THRB: variants seen among roughly 807,000 people sequenced by gnomAD.
THRB encodes thyroid hormone receptor beta, also known as nuclear receptor subfamily 1 group A member 2.
THRB carries 12 observed loss-of-function variants against 47.8 expected under a neutral mutation model. The ratio of observed to expected loss-of-function variants is 0.25; its 90% CI spans 0.16 to 0.41. The LOEUF is 0.41. THRB is among the 10% of genes least tolerant of loss of function. The probability of loss-of-function intolerance (pLI) is 1.00; values close to 1 mark genes in which losing one functional copy is unlikely to be tolerated. For missense variants in THRB, 348 were observed against 589.2 expected (o/e 0.59, Z 4.24); for synonymous variants, 218 against 212.2 (o/e 1.03, Z -0.24).
intron 3 of THRB, among the ~76,000 whole-genome samples, chr3:24,286,949 G>A (rs1426968010): frequency 1.3e-5 from 2 of 152,150 alleles, no homozygotes; most frequent in South Asian, 2.1e-4. Context: ...ATGTGCTTGT[G>A]TAAAGTAAGA....
intron 1 of THRB, among the ~76,000 whole-genome samples, chr3:24,380,845 G>A (rs1284974278): frequency 6.6e-6 from 1 of 152,114 alleles, no homozygotes; most frequent in Non-Finnish European, 1.5e-5. Flanking sequence ...GGCTGGGCAC[G>A]GTGGCTCACG....
intron 6 of THRB, among the ~76,000 whole-genome samples, chr3:24,150,220 T>C (rs963647309): frequency 6.6e-6 from 1 of 152,208 alleles, no homozygotes; most frequent in African/African-American, 2.4e-5. Flanking sequence ...AAGGATTCTC[T>C]CCATACACAT....
intron 2 of THRB, among the ~76,000 whole-genome samples, chr3:24,320,014 G>A (rs1374714047): frequency 1.3e-5 from 2 of 152,166 alleles, no homozygotes; most frequent in Admixed American, 1.3e-4. Context: ...TCCCAGCTAC[G>A]CTCTCTATTA....
chr3:24,415,367 C>T (rs2068650634), intron 1 of THRB, among the ~76,000 whole-genome samples: 1 of 151,796 alleles, frequency 6.6e-6, no homozygotes. Flanking sequence ...ATGAGATAAG[C>T]TAATTTGTTA....
At chr3:24,259,210 C>A (rs1189916060) in intron 3 of THRB, among the ~76,000 whole-genome samples, 1 of 152,106 alleles carries the variant, frequency 6.6e-6, no homozygotes, top group Non-Finnish European at 1.5e-5. Flanking sequence ...TGTTCCTACA[C>A]AAAGACAAGC....
At chr3:24,209,978 G>T (rs1048747161) in intron 4 of THRB, among the ~76,000 whole-genome samples, 2 of 152,154 alleles carry the variant, frequency 1.3e-5, no homozygotes, top group African/African-American at 2.4e-5. Flanking sequence ...GTTCTGATAC[G>T]TGTCTACAGA....
chr3:24,380,331 C>T (rs889528439), intron 1 of THRB, among the ~76,000 whole-genome samples: 1 of 151,824 alleles, frequency 6.6e-6, no homozygotes, highest in Admixed American at 6.6e-5. Context: ...CTCAGTCAGG[C>T]CTTTATAATT....
intron 2 of THRB, among the ~76,000 whole-genome samples, chr3:24,335,181 C>T (rs527783183): frequency 3.3e-5 from 5 of 152,184 alleles, no homozygotes; most frequent in Non-Finnish European, 7.4e-5. Context: ...GGGAGCTACA[C>T]ACTGGGAGGG....
chr3:24,128,140 G>T (rs759639811), intron 9 of THRB, among the ~76,000 whole-genome samples: 31 of 152,216 alleles, frequency 2.0e-4, no homozygotes, highest in Admixed American at 9.2e-4. Context: ...TGTTTGTTTG[G>T]TTTTTTGTCT....
In THRB at chr3:24,280,982, G is replaced by C. The variant is rs1208770132; in HGVS notation, c.-43+16244C>G. Among the ~76,000 whole-genome samples the C allele has an allele frequency of 5.6e-3, 849 of 152,256 alleles. 13 individuals are homozygous for C. The highest frequency in any genetic ancestry group is 0.018 in the African/African-American group (749 of 41,534). ...CTGATTGGTGTACCTGAAAGTGATG[G>C]GGAGAATGGAACCAAGTTGGAAAAC... On this transcript the variant is annotated intron_variant, in intron 3 of 10. Coordinates refer to ENST00000646209, the MANE Select transcript of THRB (RefSeq NM_001354712.2).
intron 1 of THRB, among the ~76,000 whole-genome samples, chr3:24,391,612 C>T (rs4858611): frequency 0.93 from 141,215 of 152,236 alleles, 65,769 homozygotes; most frequent in Non-Finnish European, 0.96. Context: ...TTAGAATATA[C>T]GTATAAACAG....
intron 5 of THRB, among the ~76,000 whole-genome samples, chr3:24,166,220 G>T (rs947801942): frequency 3.3e-5 from 5 of 152,180 alleles, no homozygotes; most frequent in African/African-American, 9.7e-5. Flanking sequence ...TACATTAACT[G>T]TTCAATTCTG....
chr3:24,278,490 A>C (rs1333895839), intron 3 of THRB, among the ~76,000 whole-genome samples: 1 of 152,156 alleles, frequency 6.6e-6, no homozygotes, highest in African/African-American at 2.4e-5. Flanking sequence ...TCCAGGAAAA[A>C]CCTATTTTTG....
intron 5 of THRB, chr3:24,164,898 C>A: frequency 3.4e-6 from 2 of 596,684 alleles, no homozygotes; most frequent in Non-Finnish European, 6.0e-6. Context: ...CCTCTTACTG[C>A]CGTTTTTAAT....
chr3:24,436,284 G>A (rs2070939692), intron 1 of THRB, among the ~76,000 whole-genome samples: 1 of 151,968 alleles, frequency 6.6e-6, no homozygotes, highest in African/African-American at 2.4e-5. Flanking sequence ...GTTACAGAGA[G>A]GAAAGCCCAG....
intron 5 of THRB, among the ~76,000 whole-genome samples, chr3:24,166,711 G>A (rs2039689116): frequency 6.6e-6 from 1 of 152,058 alleles, no homozygotes; most frequent in African/African-American, 2.4e-5. Flanking sequence ...TTGTTTTCAG[G>A]GCTCGGCCTC....
intron 1 of THRB, among the ~76,000 whole-genome samples, chr3:24,387,630 T>G (rs2066229393): frequency 6.6e-6 from 1 of 152,158 alleles, no homozygotes; most frequent in South Asian, 2.1e-4. Flanking sequence ...GTGCCTGGCA[T>G]GCAGTAGGCT....
chr3:24,191,728 T>C (rs2043369431), intron 4 of THRB, among the ~76,000 whole-genome samples: 1 of 152,264 alleles, frequency 6.6e-6, no homozygotes, highest in Admixed American at 6.5e-5. Context: ...GCATTTACCC[T>C]TCCGGGTTTT....
At chr3:24,154,064 T>C (rs2037427364) in intron 5 of THRB, among the ~76,000 whole-genome samples, 1 of 152,220 alleles carries the variant, frequency 6.6e-6, no homozygotes, top group Non-Finnish European at 1.5e-5. Context: ...TTGCTCCAAC[T>C]TTAATTTAGA....
Sources: gnomAD v4.1 joint callset for allele counts (sites outside exome capture counted in the v4.1 genomes callset) on GRCh38, gnomAD v4.1.1 for gene constraint, MANE v1.5 for transcripts, NCBI Gene and HGNC (gene_info 2026-07-23, HGNC 2026-07-21) for gene names.